The following SPIDR variants were observed in gnomAD, a reference collection of about 807,000 sequenced individuals.
SPIDR encodes DNA repair-scaffolding protein.
Under a neutral mutation model 104.6 loss-of-function variants are expected in SPIDR, and 93 were observed. The ratio of observed to expected loss-of-function variants is 0.89; its 90% confidence interval spans 0.75 to 1.06. The LOEUF (loss-of-function observed/expected upper bound fraction) is 1.06, where lower values mean the gene tolerates loss of function less well. SPIDR is among the 50% of genes least tolerant of loss of function. The probability of loss-of-function intolerance (pLI) is 0.00; values close to 1 mark genes in which losing one functional copy is unlikely to be tolerated. For synonymous variants in SPIDR, 431 were observed against 416.9 expected, an observed-to-expected ratio of 1.03 and a Z score of -0.41; for missense variants, 1,154 against 1,111.2, an observed-to-expected ratio of 1.04 and a Z score of -0.55.
intron 5 of SPIDR, among the ~76,000 whole-genome samples, chr8:47,381,376 G>A (rs1042522697): frequency 1.3e-5 from 2 of 152,118 alleles, no homozygotes; most frequent in African/African-American, 4.8e-5. Flanking sequence ...TATTTTACTT[G>A]CCATGGTGTA....
intron 5 of SPIDR, among the ~76,000 whole-genome samples, chr8:47,329,873 C>T (rs1554603393): frequency 6.6e-6 from 1 of 152,146 alleles, no homozygotes; most frequent in African/African-American, 2.4e-5. Flanking sequence ...CCACCCACCA[C>T]TCTTCTGTTA....
At chr8:47,508,713 G>C (rs2081866596) in intron 8 of SPIDR, among the ~76,000 whole-genome samples, 1 of 131,626 alleles carries the variant, frequency 7.6e-6, no homozygotes, top group African/African-American at 2.8e-5. Flanking sequence ...TGTAAACCCA[G>C]GTTCTGGCAG....
intron 2 of SPIDR, among the ~76,000 whole-genome samples, chr8:47,281,815 G>A (rs2037837107): frequency 2.0e-5 from 3 of 152,206 alleles, no homozygotes. Context: ...ACATAGAATG[G>A]TGAATATTTT....
At chr8:47,464,745 C>G (rs973193120) in intron 8 of SPIDR, among the ~76,000 whole-genome samples, 1 of 151,852 alleles carries the variant, frequency 6.6e-6, no homozygotes, top group Non-Finnish European at 1.5e-5. Flanking sequence ...CCTCACCTTG[C>G]CTCATTTTTC....
At chr8:47,268,183 C>A (rs540194220) in intron 1 of SPIDR, among the ~76,000 whole-genome samples, 138 of 152,332 alleles carry the variant, frequency 9.1e-4, no homozygotes, top group Non-Finnish European at 9.7e-4. Context: ...TCTATGAATT[C>A]TATTCCACTG....
chr8:47,657,464 A>G (rs2073045026), intron 10 of SPIDR, among the ~76,000 whole-genome samples: 1 of 152,162 alleles, frequency 6.6e-6, no homozygotes, highest in South Asian at 2.1e-4. Context: ...CCTTATGGTG[A>G]TGGAACTGTT....
At chr8:47,577,486 C>A (rs943678488) in intron 8 of SPIDR, among the ~76,000 whole-genome samples, 2 of 152,200 alleles carry the variant, frequency 1.3e-5, no homozygotes, top group African/African-American at 4.8e-5. Flanking sequence ...TGTGTGGGTC[C>A]ACTTGTACAC....
intron 5 of SPIDR, among the ~76,000 whole-genome samples, chr8:47,303,577 A>G (rs1186224791): frequency 1.3e-5 from 2 of 152,128 alleles, no homozygotes; most frequent in African/African-American, 4.8e-5. Context: ...CTGTTTGGCC[A>G]TCTTGGCTCC....
intron 8 of SPIDR, among the ~76,000 whole-genome samples, chr8:47,553,894 G>C (rs1440523417): frequency 6.6e-6 from 1 of 152,138 alleles, no homozygotes. Flanking sequence ...TAACTACTTT[G>C]GTCTTTGATG....
At position 47,681,272 on chromosome 8, in the gene SPIDR, G is replaced by C. The variant is rs564484630; in HGVS notation, c.1685+7331G>C. On this transcript the variant is annotated intron_variant, in intron 11 of 19. Transcript: ENST00000297423. ...TTTTAAGTCAAAATTTAATTTTATT[G>C]TCCTTTAAGACTGGGGTTTTTTGGG... Among the ~76,000 whole-genome samples, 4 of 152,088 alleles carry C rather than the reference G, an allele frequency of 2.6e-5. No homozygotes were observed. In the South Asian group the frequency reaches 8.3e-4, roughly 32 times the overall value.
intron 10 of SPIDR, among the ~76,000 whole-genome samples, chr8:47,614,021 C>G (rs2063938019): frequency 6.6e-6 from 1 of 152,062 alleles, no homozygotes; most frequent in Non-Finnish European, 1.5e-5. Flanking sequence ...TCCCTTTCCC[C>G]ACTCCCTACC....
At chr8:47,550,801 C>G (rs1449865143) in intron 8 of SPIDR, among the ~76,000 whole-genome samples, 1 of 152,170 alleles carries the variant, frequency 6.6e-6, no homozygotes, top group Non-Finnish European at 1.5e-5. Context: ...ACTTCCAACA[C>G]TATATTGAAT....
chr8:47,663,771 C>T (rs2074471334), intron 10 of SPIDR, among the ~76,000 whole-genome samples: 1 of 152,196 alleles, frequency 6.6e-6, no homozygotes, highest in Non-Finnish European at 1.5e-5. Context: ...ATTTTGTTTT[C>T]TCACACGACA....
At chr8:47,587,609 CAAAAAAAAAAA>C (rs36084278) in intron 8 of SPIDR, among the ~76,000 whole-genome samples, 12 of 58,830 alleles carry the variant, frequency 2.0e-4, no homozygotes, top group Non-Finnish European at 4.7e-4. Flanking sequence ...GACCCTGCCT[CAAAAAAAAAAA>C]AAAAAAAAAA....
At chr8:47,725,397 G>C (rs889821493) in intron 16 of SPIDR, among the ~76,000 whole-genome samples, 10 of 151,982 alleles carry the variant, frequency 6.6e-5, no homozygotes, top group Non-Finnish European at 1.5e-4. Context: ...TTTTGTTTTT[G>C]TTTTTGTTTT....
At chr8:47,656,509 G>A (rs1404480718) in intron 10 of SPIDR, among the ~76,000 whole-genome samples, 1 of 152,150 alleles carries the variant, frequency 6.6e-6, no homozygotes, top group Non-Finnish European at 1.5e-5. Context: ...ACAATACCAA[G>A]TATGGATAAA....
chr8:47,421,963 T>C (rs903216463), intron 7 of SPIDR, among the ~76,000 whole-genome samples: 2 of 152,134 alleles, frequency 1.3e-5, no homozygotes, highest in East Asian at 3.9e-4. Context: ...CCTGATTGTT[T>C]CTGGAAGTTT....
chr8:47,288,778 G>C (rs1371473223), intron 3 of SPIDR, among the ~76,000 whole-genome samples: 1 of 152,224 alleles, frequency 6.6e-6, no homozygotes, highest in African/African-American at 2.4e-5. Flanking sequence ...GTGGCACAAA[G>C]TAGTAAGTGT....
intron 7 of SPIDR, among the ~76,000 whole-genome samples, chr8:47,417,011 T>C (rs541194553): frequency 6.6e-6 from 1 of 152,366 alleles, no homozygotes; most frequent in East Asian, 1.9e-4. Context: ...CACATTTTCT[T>C]AATCCAGTCT....
Sources: gnomAD v4.1 joint callset for allele counts (sites outside exome capture counted in the v4.1 genomes callset) on GRCh38, gnomAD v4.1.1 for gene constraint, MANE v1.5 for transcripts, NCBI Gene and HGNC (gene_info 2026-07-23, HGNC 2026-07-21) for gene names.